The following PDE1A variants were observed in gnomAD, a reference collection of about 807,000 sequenced individuals.
PDE1A encodes phosphodiesterase 1A.
PDE1A carries 35 observed loss-of-function variants against 61.7 expected under a neutral mutation model. That is an observed-to-expected ratio of 0.57 (90% confidence interval 0.43 to 0.75). The LOEUF (loss-of-function observed/expected upper bound fraction) is 0.75. Among genes scored for constraint, PDE1A ranks in the 30% least tolerant of loss-of-function variants. The probability of loss-of-function intolerance (pLI) is 0.00; values close to 1 mark genes in which losing one functional copy is unlikely to be tolerated. For synonymous variants in PDE1A, 232 were observed against 213.2 expected (o/e 1.09, Z -0.77); for missense variants, 597 against 630.6 (o/e 0.95, Z 0.57).
At chr2:182,666,341 G>C in the PDE1A span, among the ~76,000 whole-genome samples, 1 of 152,156 alleles carries the variant, frequency 6.6e-6, no homozygotes, top group Non-Finnish European at 1.5e-5. Flanking sequence ...CAAGGGGCTG[G>C]GTGTGGTGGC....
chr2:182,609,138 T>C, the PDE1A span, among the ~76,000 whole-genome samples: 1 of 152,208 alleles, frequency 6.6e-6, no homozygotes, highest in Admixed American at 6.5e-5. Flanking sequence ...TGTGTCTAGT[T>C]CAGGGTTTGT....
exon 3 of PDE1A, chr2:182,240,286 A>T (rs1690397934): frequency 6.4e-7 from 1 of 1,556,024 alleles, no homozygotes; most frequent in Non-Finnish European, 8.7e-7. Flanking sequence ...CAGTATCCAG[A>T]AGTCTTCTAC....
At chr2:182,571,143 T>A in the PDE1A span, among the ~76,000 whole-genome samples, 1 of 152,226 alleles carries the variant, frequency 6.6e-6, no homozygotes, top group South Asian at 2.1e-4. Context: ...CAACAATTTA[T>A]CCTTGAATGC....
the PDE1A span, among the ~76,000 whole-genome samples, chr2:182,635,085 G>A: frequency 5.1e-4 from 77 of 151,072 alleles, no homozygotes; most frequent in Non-Finnish European, 3.5e-4. Context: ...CATACTCTGC[G>A]GGAAAAGGGG....
intron 1 of PDE1A, among the ~76,000 whole-genome samples, chr2:182,404,695 T>A (rs1240618608): frequency 1.3e-5 from 2 of 152,176 alleles, no homozygotes; most frequent in African/African-American, 2.4e-5. Context: ...AACACACACA[T>A]TACCCTAGGG....
At chr2:182,479,890 C>G (rs991734410) in intron 2 of PDE1A, among the ~76,000 whole-genome samples, 1 of 151,814 alleles carries the variant, frequency 6.6e-6, no homozygotes, top group Non-Finnish European at 1.5e-5. Flanking sequence ...GAAGAAAGGA[C>G]TAAGTATGAA....
intron 2 of PDE1A, among the ~76,000 whole-genome samples, chr2:182,456,473 C>A (rs188758478): frequency 6.6e-6 from 1 of 152,058 alleles, no homozygotes; most frequent in Non-Finnish European, 1.5e-5. Flanking sequence ...CAATATAATA[C>A]CTTAGCTGTG....
the PDE1A span, among the ~76,000 whole-genome samples, chr2:182,595,537 T>G: frequency 1.8e-4 from 28 of 152,332 alleles, no homozygotes; most frequent in Admixed American, 7.8e-4. Context: ...TGAGATAATA[T>G]ATGCTTATTT....
chr2:182,708,004 G>A, the PDE1A span, among the ~76,000 whole-genome samples: 1 of 152,082 alleles, frequency 6.6e-6, no homozygotes, highest in Non-Finnish European at 1.5e-5. Context: ...AACTGGAAGA[G>A]AAGATTTTGA....
chr2:182,196,434 A>AGTAGG (rs1489696598), intron 10 of PDE1A, among the ~76,000 whole-genome samples: 1 of 151,920 alleles, frequency 6.6e-6, no homozygotes, highest in Non-Finnish European at 1.5e-5. Context: ...TTTTTCCCAC[A>AGTAGG]GTAATTTTTT....
intron 7 of PDE1A, among the ~76,000 whole-genome samples, chr2:182,215,376 G>A (rs201237189): frequency 1 from 107,887 of 108,040 alleles, 53,872 homozygotes; most frequent in Middle Eastern, 1. Flanking sequence ...AAGAGCAAAC[G>A]CATTCAAAAG....
intron 1 of PDE1A, among the ~76,000 whole-genome samples, chr2:182,385,723 TCCC>T (rs1701013191): frequency 7.4e-6 from 1 of 135,446 alleles, no homozygotes; most frequent in Non-Finnish European, 1.6e-5. Flanking sequence ...CTCCCTCCTC[TCCC>T]TCTCCCTCCT....
chr2:182,354,592 C>G (rs1699071755), intron 1 of PDE1A, among the ~76,000 whole-genome samples: 1 of 152,016 alleles, frequency 6.6e-6, no homozygotes, highest in East Asian at 1.9e-4. Context: ...AAGAGAAAAT[C>G]CACAGTGAAA....
rs74823829 is a variant in PDE1A at position 182,416,664 on chromosome 2, C to T, written c.53+9914G>A. On this transcript the variant is annotated intron_variant, in intron 1 of 13. Coordinates refer to ENST00000351439, the Ensembl canonical transcript of PDE1A. Reference sequence around the variant, plus strand: ...GAAATAATTAAAGGAGGAGAAAAGACTAGCTGAAGCACAGTGAATTTCAGA... The same window carrying T: ...GAAATAATTAAAGGAGGAGAAAAGATTAGCTGAAGCACAGTGAATTTCAGA... 1.4e-3 allele frequency among the ~76,000 whole-genome samples: 215 copies of T among 152,260 alleles called. 6 individuals are homozygous for T. In the East Asian group the frequency reaches 0.037, roughly 26 times the overall value.
intron 6 of PDE1A, among the ~76,000 whole-genome samples, chr2:182,229,212 A>AT (rs1395354157): frequency 6.6e-6 from 1 of 151,746 alleles, no homozygotes; most frequent in Admixed American, 6.6e-5. Flanking sequence ...TCAAGCAGGA[A>AT]TTTTTTTTTA....
chr2:182,434,291 C>T (rs1349133996), intron 2 of PDE1A, among the ~76,000 whole-genome samples: 3 of 152,018 alleles, frequency 2.0e-5, no homozygotes, highest in African/African-American at 7.2e-5. Context: ...TCATATTTGC[C>T]ATTACACTTC....
intron 2 of PDE1A, among the ~76,000 whole-genome samples, chr2:182,448,782 C>T (rs1481372241): frequency 2.0e-5 from 3 of 151,922 alleles, no homozygotes; most frequent in Non-Finnish European, 4.4e-5. Flanking sequence ...ACAGAGTTGT[C>T]TTAATCTACT....
the PDE1A span, among the ~76,000 whole-genome samples, chr2:182,593,465 C>T: frequency 0.25 from 38,657 of 151,944 alleles, 5,341 homozygotes; most frequent in Non-Finnish European, 0.31. Flanking sequence ...CACTACTGTT[C>T]GAATTAAGTA....
the PDE1A span, among the ~76,000 whole-genome samples, chr2:182,703,923 G>A: frequency 5.9e-5 from 9 of 152,030 alleles, no homozygotes; most frequent in East Asian, 1.4e-3. Context: ...AGTTCTGGCC[G>A]GGCGTGATGG....
Sources: gnomAD v4.1 joint callset for allele counts (sites outside exome capture counted in the v4.1 genomes callset) on GRCh38, gnomAD v4.1.1 for gene constraint, MANE v1.5 for transcripts, NCBI Gene and HGNC (gene_info 2026-07-23, HGNC 2026-07-21) for gene names.